The following NEUROD6 variants were observed in gnomAD, a reference collection of about 807,000 sequenced individuals.
The protein encoded by NEUROD6 is neuronal differentiation 6.
NEUROD6 carries 5 observed loss-of-function variants against 24.1 expected under a neutral mutation model. The ratio of observed to expected loss-of-function variants is 0.21; its 90% CI spans 0.11 to 0.44. The LOEUF is 0.44. Ranked by LOEUF, NEUROD6 falls within the 20% of genes least tolerant of loss-of-function variation. NEUROD6 has a pLI of 0.99. For missense variants in NEUROD6, 325 were observed against 409.5 expected (o/e 0.79, Z 1.78); for synonymous variants, 182 against 154.1 (o/e 1.18, Z -1.34).
At position 31,339,038 on chromosome 7, in the gene NEUROD6, C is replaced by A; in HGVS notation, c.231G>T (p.Arg77Ser). The change falls in exon 2 of 2, where the codon AGG becomes AGT. Residue 77 changes from arginine (R) to serine (S), a missense_variant. Arg to Ser is a moderately radical substitution (Grantham distance 110, BLOSUM62 -1). Coordinates refer to ENST00000297142, the MANE Select transcript of NEUROD6 (RefSeq NM_022728.4). ...EEDENGLPRR[R>S]GLRKKKTTKL... ...TTGTTGTCTTTTTTTTCCTAAGACC[C>A]CTCCTTCTAGGCAACCCATTTTCAT... 1 of 1,613,954 alleles carries A rather than the reference C, an allele frequency of 6.2e-7. No homozygotes were observed. Among genetic ancestry groups the A allele is most frequent in the Non-Finnish European group, 8.5e-7 (1 of 1,179,988 alleles).
In NEUROD6 at chr7:31,339,135, C is replaced by T. The variant is rs1486150266; in HGVS notation, c.134G>A (p.Gly45Glu). ...TCCAGGGGCCCTTTTGATGCTCTTT[C>T]CTCGAAGGACAATCTGTTTGGAAAA... is the stretch of plus-strand genomic sequence containing the variant. Reference protein sequence around the residue: ...ESFSKQIVLRGKSIKRAPGEE... With the variant: ...ESFSKQIVLREKSIKRAPGEE... The change falls in exon 2 of 2, where the codon GGA becomes GAA. Residue 45 changes from glycine (G) to glutamate (E), a missense_variant. Physicochemically the swap from Gly to Glu is moderately conservative, Grantham distance 98. Transcript: ENST00000297142. The T allele has an allele frequency of 6.2e-7, 1 of 1,614,002 alleles. No individual in the cohort carries two copies. The highest frequency in any genetic ancestry group is 8.5e-7 in the Non-Finnish European group (1 of 1,180,010).
chr7:31,337,646 C>T lies in NEUROD6; in HGVS notation c.*609G>A, dbSNP rs1021946065. On this transcript the variant is annotated 3_prime_UTR_variant, in exon 2 of 2. Coordinates refer to ENST00000297142, the MANE Select transcript of NEUROD6 (RefSeq NM_022728.4). ...ATTATGACATCAGCTACCCAAATAT[C>T]ATGTTGCCCCATCTGCAAATACTTG... is the stretch of plus-strand genomic sequence containing the variant. 9 of 152,612 alleles carry T rather than the reference C, an allele frequency of 5.9e-5. No individual in the cohort carries two copies. Among genetic ancestry groups the T allele is most frequent in the Non-Finnish European group, 1.0e-4 (7 of 68,048 alleles). 9.5% of individuals were successfully genotyped at this position (152,612 alleles called of 1,614,324 possible). A position where few individuals can be genotyped will look rare whatever the true frequency, so the allele number is the denominator to read the frequency against.
At position 31,338,895 on chromosome 7, in the gene NEUROD6, G is replaced by T; in HGVS notation, c.374C>A (p.Ser125Tyr). 6.2e-7 allele frequency: 1 copy of T among 1,614,156 alleles called. No individual in the cohort carries two copies. The highest frequency in any genetic ancestry group is 8.5e-7 in the Non-Finnish European group (1 of 1,180,028). Reference protein sequence around the residue: ...DNLRKVVPCYSKTQKLSKIET... With the variant: ...DNLRKVVPCYYKTQKLSKIET... ...TATTTTGGACAGTTTCTGGGTTTTA[G>T]AATAACAGGGGACCACTTTTCTTAA... Residue 125 changes from serine to tyrosine, a missense_variant, in exon 2 of 2, where the codon TCT becomes TAT. Physicochemically the swap from Ser to Tyr is moderately radical, Grantham distance 144. This residue lies in a region of NEUROD6 where 41 missense variants were observed against 100.9 expected (regional missense o/e 0.41). Transcript: ENST00000297142. The surrounding 1 kb of genome is among the most constrained non-coding windows in gnomAD (Gnocchi z 5.1).
rs962109374 is a variant in NEUROD6, at chr7:31,337,696, G to A, written c.*559C>T. On this transcript the variant is annotated 3_prime_UTR_variant, in exon 2 of 2. Transcript: ENST00000297142. The stretch of plus-strand genomic sequence containing the variant: ...GAAGAGGAATAGTTACCAATTGAAT[G>A]CATTTAGATTCATCCTTAATAAAAA... 1 of 152,548 alleles carries A rather than the reference G, an allele frequency of 6.6e-6. No homozygotes were observed. Among genetic ancestry groups the A allele is most frequent in the African/African-American group, 2.4e-5 (1 of 41,398 alleles). 9.4% of individuals were successfully genotyped at this position (152,548 alleles called of 1,614,324 possible). A position where few individuals can be genotyped will look rare whatever the true frequency, so the allele number is the denominator to read the frequency against.
Position 31,338,233 on chromosome 7 carries a change from C to T in NEUROD6, c.*22G>A, listed in dbSNP as rs919058789. Reference sequence around the variant, plus strand: ...ATTAGACAGGGGAGGTGAATGACCACTGTTTATTTTCATTTTCCTCATTAA... The same window carrying T: ...ATTAGACAGGGGAGGTGAATGACCATTGTTTATTTTCATTTTCCTCATTAA... On this transcript the variant is annotated 3_prime_UTR_variant, in exon 2 of 2. Coordinates refer to ENST00000297142, the MANE Select transcript of NEUROD6 (RefSeq NM_022728.4). This position sits in a 1 kb window ranked among gnomAD's most constrained non-coding sequence, Gnocchi z 5.1. 1 of 1,597,914 alleles carries T rather than the reference C, an allele frequency of 6.3e-7. No homozygotes were observed. The highest frequency in any genetic ancestry group is 2.2e-5 in the East Asian group (1 of 44,728).
chr7:31,338,414 G>A lies in NEUROD6; in HGVS notation c.855C>T (p.Tyr285=). The part of the protein sequence containing the change: ...QEETLDYGKN[Y]NYGMHYCAVP... ...CTGCACAGTAATGCATGCCGTAATT[G>A]TAATTTTTACCATAGTCCAAGGTTT... The change falls in exon 2 of 2, where the codon TAC becomes TAT. Residue 285 remains tyrosine, a synonymous_variant. Transcript: ENST00000297142. This position sits in a 1 kb window ranked among gnomAD's most constrained non-coding sequence, Gnocchi z 5.1. The A allele has an allele frequency of 3.1e-6, 5 of 1,614,136 alleles. No homozygotes were observed. Among genetic ancestry groups the A allele is most frequent in the African/African-American group, 1.3e-5 (1 of 75,038 alleles).
In NEUROD6 at chr7:31,339,255, G is replaced by A. The variant is rs1267239939; in HGVS notation, c.14C>T (p.Pro5Leu). 6 of 1,607,296 alleles carry A rather than the reference G, an allele frequency of 3.7e-6. No individual in the cohort carries two copies. Among genetic ancestry groups the A allele is most frequent in the Admixed American group, 1.7e-5 (1 of 58,808 alleles). Residue 5 changes from proline to leucine, a missense_variant, in exon 2 of 2, where the codon CCG becomes CTG. This residue lies in a region of NEUROD6 where 109 missense variants were observed against 107.3 expected (regional missense o/e 1.02). Transcript: ENST00000297142. Reference sequence around the variant, plus strand: ...TGGCATTACAACAGACTCATCAAACGGTAGTGTTAACATGGTTCTCTAATC... The same window carrying A: ...TGGCATTACAACAGACTCATCAAACAGTAGTGTTAACATGGTTCTCTAATC... Reference protein sequence around the residue: MLTLPFDESVVMPES... With the variant: MLTLLFDESVVMPES...
Position 31,338,703 on chromosome 7 carries a change from A to G in NEUROD6, c.566T>C (p.Leu189Pro). ...TGCAGCCTCCCCACCCTGACCCATC[A>G]GGAAACTCCTGGCGTTGAGCTGCAA... is the stretch of plus-strand genomic sequence containing the variant. ...GCLQLNARSFLMGQGGEAAHH... is the reference protein window; with the variant it reads ...GCLQLNARSFPMGQGGEAAHH... Residue 189 changes from leucine (L) to proline (P), a missense_variant, in exon 2 of 2, where the codon CTG (leucine) becomes CCG (proline). By Grantham distance (98) the Leu-to-Pro change is moderately conservative (BLOSUM62 -3). This residue lies in a region of NEUROD6 where 175 missense variants were observed against 201.3 expected (regional missense o/e 0.87). Transcript: ENST00000297142. This position sits in a 1 kb window ranked among gnomAD's most constrained non-coding sequence, Gnocchi z 5.1. 6.2e-7 allele frequency: 1 copy of G among 1,614,152 alleles called. No homozygotes were observed. The highest frequency in any genetic ancestry group is 8.5e-7 in the Non-Finnish European group (1 of 1,180,022).
intron 1 of NEUROD6, among the ~76,000 whole-genome samples, chr7:31,340,135 C>T (rs551507595): frequency 2.1e-4 from 32 of 152,180 alleles, no homozygotes; most frequent in East Asian, 9.7e-4. Context: ...TTTTGTTCTA[C>T]GAGCCATAGA....
chr7:31,339,425 T>G, intron 1 of NEUROD6, 136 bp from the exon 2 acceptor site: 1 of 659,706 alleles, frequency 1.5e-6, no homozygotes, highest in Non-Finnish European at 2.3e-6. Context: ...TTTTTAACAT[T>G]AAATATAATT....
At position 31,338,223 on chromosome 7, in the gene NEUROD6, T is replaced by G; in HGVS notation, c.*32A>C. 6.3e-7 allele frequency: 1 copy of G among 1,575,288 alleles called. No homozygotes were observed. The highest frequency in any genetic ancestry group is 8.7e-7 in the Non-Finnish European group (1 of 1,148,868). ...CTTTGTCTTAATTAGACAGGGGAGG[T>G]GAATGACCACTGTTTATTTTCATTT... On this transcript the variant is annotated 3_prime_UTR_variant, in exon 2 of 2. Coordinates refer to ENST00000297142, the MANE Select transcript of NEUROD6 (RefSeq NM_022728.4). This position sits in a 1 kb window ranked among gnomAD's most constrained non-coding sequence, Gnocchi z 5.1.
In NEUROD6 at chr7:31,338,923, T is replaced by C; in HGVS notation, c.346A>G (p.Asn116Asp). The C allele has an allele frequency of 6.2e-7, 1 of 1,614,214 alleles. No individual in the cohort carries two copies. Among genetic ancestry groups the C allele is most frequent in the African/African-American group, 1.3e-5 (1 of 75,056 alleles). Residue 116 changes from asparagine to aspartate, a missense_variant, in exon 2 of 2, where the codon AAC becomes GAC. Physicochemically the swap from Asn to Asp is conservative, Grantham distance 23 (BLOSUM62 1). Transcript: ENST00000297142. This position sits in a 1 kb window ranked among gnomAD's most constrained non-coding sequence, Gnocchi z 5.1. ...TAACAGGGGACCACTTTTCTTAAGT[T>C]GTCCAGAGCGTCGTTGAGGCCGTGC... The part of the protein sequence containing the change: ...RMHGLNDALD[N>D]LRKVVPCYSK...
At position 31,339,166 on chromosome 7, in the gene NEUROD6, C is replaced by G; in HGVS notation, c.103G>C (p.Glu35Gln). 2.5e-6 allele frequency: 4 copies of G among 1,614,064 alleles called. No individual in the cohort carries two copies. The highest frequency in any genetic ancestry group is 3.4e-6 in the Non-Finnish European group (4 of 1,180,024). Reference protein sequence around the residue: ...CEDQKQIKKPESFSKQIVLRG... With the variant: ...CEDQKQIKKPQSFSKQIVLRG... ...AGGACAATCTGTTTGGAAAAGCTTT[C>G]TGGCTTCTTAATTTGCTTCTGGTCC... Residue 35 changes from glutamate (E) to glutamine (Q), a missense_variant, in exon 2 of 2, where the codon GAA becomes CAA. Transcript: ENST00000297142.
In NEUROD6 at chr7:31,339,093, T is replaced by A; in HGVS notation, c.176A>T (p.Glu59Val). Residue 59 changes from glutamate to valine, a missense_variant, in exon 2 of 2, where the codon GAA becomes GTA. Glu to Val is a moderately radical substitution (Grantham distance 121). Coordinates refer to ENST00000297142, the MANE Select transcript of NEUROD6 (RefSeq NM_022728.4). Reference sequence around the variant, plus strand: ...CTCTTCCCTGTCTTCCTCCTCTTCTTCTTTCTCGGTTTCTTCTCCAGGGGC... The same window carrying A: ...CTCTTCCCTGTCTTCCTCCTCTTCTACTTTCTCGGTTTCTTCTCCAGGGGC... The part of the protein sequence containing the change: ...KRAPGEETEK[E>V]EEEEDREEED... 6.2e-7 allele frequency: 1 copy of A among 1,614,080 alleles called. No individual in the cohort carries two copies. The highest frequency in any genetic ancestry group is 8.5e-7 in the Non-Finnish European group (1 of 1,180,028).
Position 31,338,361 on chromosome 7 carries a change from C to T in NEUROD6, c.908G>A (p.Gly303Asp), listed in dbSNP as rs1163567674. ...AVPPRGPLGQ[G>D]AMFRLPTDSH... ...GTCGGTGGGCAACCTGAACATGGCA[C>T]CCTGCCCAAGGGGACCCCTGGGTGG... is the stretch of plus-strand genomic sequence containing the variant. Residue 303 changes from glycine (G) to aspartate (D), a missense_variant, in exon 2 of 2, where the codon GGT becomes GAT. Physicochemically the swap from Gly to Asp is moderately conservative, Grantham distance 94. This residue lies in a region of NEUROD6 where 175 missense variants were observed against 201.3 expected (regional missense o/e 0.87). Transcript: ENST00000297142. This position sits in a 1 kb window ranked among gnomAD's most constrained non-coding sequence, Gnocchi z 5.1. 6.2e-7 allele frequency: 1 copy of T among 1,614,026 alleles called. No individual in the cohort carries two copies. The highest frequency in any genetic ancestry group is 1.7e-5 in the Admixed American group (1 of 59,996).
At chr7:31,339,787 T>A (rs1006066665) in intron 1 of NEUROD6, among the ~76,000 whole-genome samples, 26 of 152,172 alleles carry the variant, frequency 1.7e-4, no homozygotes, top group African/African-American at 5.8e-4. Flanking sequence ...CTTAACTTTA[T>A]TTGCTGTATC....
rs2128033246 is a variant in NEUROD6 at position 31,339,167 on chromosome 7, T to A, written c.102A>T (p.Pro34=). ...GGACAATCTGTTTGGAAAAGCTTTC[T>A]GGCTTCTTAATTTGCTTCTGGTCCT... ...ECEDQKQIKK[P]ESFSKQIVLR... Residue 34 remains proline, a synonymous_variant, in exon 2 of 2, where the codon CCA becomes CCT. Transcript: ENST00000297142. The A allele has an allele frequency of 6.2e-7, 1 of 1,614,124 alleles. No individual in the cohort carries two copies. The highest frequency in any genetic ancestry group is 2.2e-5 in the East Asian group (1 of 44,874).
Position 31,338,382 on chromosome 7 carries a change from G to A in NEUROD6, c.887C>T (p.Pro296Leu). The stretch of plus-strand genomic sequence containing the variant: ...GGCACCCTGCCCAAGGGGACCCCTG[G>A]GTGGCACTGCACAGTAATGCATGCC... ...NYGMHYCAVP[P>L]RGPLGQGAMF... Residue 296 changes from proline (P) to leucine (L), a missense_variant, in exon 2 of 2, where the codon CCC (proline) becomes CTC (leucine). Around this residue, in one of 3 missense-constraint regions of NEUROD6, gnomAD observed 175 missense variants for 201.3 expected, o/e 0.87. Transcript: ENST00000297142. The surrounding 1 kb of genome is among the most constrained non-coding windows in gnomAD (Gnocchi z 5.1). 1.2e-6 allele frequency: 2 copies of A among 1,614,050 alleles called. No homozygotes were observed. The highest frequency in any genetic ancestry group is 1.3e-5 in the African/African-American group (1 of 75,006).
Position 31,339,091 on chromosome 7 carries a change from C to G in NEUROD6, c.178G>C (p.Glu60Gln), listed in dbSNP as rs1391722806. The change falls in exon 2 of 2, where the codon GAA (glutamate) becomes CAA (glutamine). Residue 60 changes from glutamate (E) to glutamine (Q), a missense_variant. Glu to Gln is a conservative substitution (Grantham distance 29). Transcript: ENST00000297142. ...RAPGEETEKE[E>Q]EEEDREEEDE... ...TCCTCTTCCCTGTCTTCCTCCTCTTCTTCTTTCTCGGTTTCTTCTCCAGGG... is the reference window on the plus strand; with the variant it reads ...TCCTCTTCCCTGTCTTCCTCCTCTTGTTCTTTCTCGGTTTCTTCTCCAGGG... 2 of 1,613,898 alleles carry G rather than the reference C, an allele frequency of 1.2e-6. No homozygotes were observed. Among genetic ancestry groups the G allele is most frequent in the African/African-American group, 1.3e-5 (1 of 74,860 alleles).
Sources: allele counts gnomAD v4.1 joint callset (sites outside exome capture counted in the v4.1 genomes callset), GRCh38; gene constraint gnomAD v4.1.1; regional missense constraint gnomAD v4.1.1; non-coding constraint Gnocchi (gnomAD v3.1); transcripts MANE v1.5; gene names NCBI Gene and HGNC (gene_info 2026-07-23, HGNC 2026-07-21).